Variants in OVCH1 observed in about 807,000 individuals in gnomAD.
OVCH1 encodes ovochymase-1.
Under a neutral mutation model 138.4 loss-of-function variants are expected in OVCH1, and 139 were observed. That is an observed-to-expected ratio of 1.00 (90% confidence interval 0.87 to 1.16). The LOEUF is 1.16. OVCH1 is among the 50% of genes most tolerant of loss of function. OVCH1 has a pLI of 0.00. For missense variants in OVCH1, 1,367 were observed against 1,357.9 expected, an observed-to-expected ratio of 1.01 and a Z score of -0.11; for synonymous variants, 453 against 467.8, an observed-to-expected ratio of 0.97 and a Z score of 0.41.
intron 19 of OVCH1, chr12:29,461,639 G>A (rs1942135267): frequency 3.2e-6 from 2 of 627,982 alleles, no homozygotes; most frequent in Admixed American, 4.4e-5. Context: ...ACCGGCCTTT[G>A]TCGCTGTACA....
intron 22 of OVCH1, among the ~76,000 whole-genome samples, chr12:29,447,671 A>G (rs563061854): frequency 6.6e-6 from 1 of 152,278 alleles, no homozygotes; most frequent in South Asian, 2.1e-4. Context: ...GTAACAGACA[A>G]TGACTGTGGG....
At chr12:29,462,269 A>T (rs1475200252) in intron 18 of OVCH1, among the ~76,000 whole-genome samples, 1 of 151,200 alleles carries the variant, frequency 6.6e-6, no homozygotes, top group African/African-American at 2.5e-5. Context: ...CTTATTTTCA[A>T]TTTAAATGTT....
chr12:29,418,674 G>C (rs779463959), intron 3 of OVCH1, among the ~76,000 whole-genome samples: 1 of 152,106 alleles, frequency 6.6e-6, no homozygotes, highest in African/African-American at 2.4e-5. Flanking sequence ...AAAAGCCAAG[G>C]TGAGTATAGA....
chr12:29,491,025 C>A (rs1229036331), intron 5 of OVCH1, 72 bp downstream of exon 5: 13 of 1,322,384 alleles, frequency 9.8e-6, no homozygotes, highest in African/African-American at 1.5e-5. Context: ...TCATGGTCAA[C>A]AAAATTATTT....
exon 8 of OVCH1, chr12:29,486,344 C>T: frequency 6.2e-7 from 1 of 1,611,296 alleles, no homozygotes. Flanking sequence ...GGCCCCGATC[C>T]AAACCTGTAA....
At chr12:29,460,344 C>A (rs891733980) in intron 19 of OVCH1, among the ~76,000 whole-genome samples, 6 of 152,160 alleles carry the variant, frequency 3.9e-5, no homozygotes, top group African/African-American at 1.4e-4. Context: ...TCCCTCAAAT[C>A]CTACAATAGA....
intron 25 of OVCH1, among the ~76,000 whole-genome samples, chr12:29,439,949 G>A (rs1337755748): frequency 1.3e-5 from 2 of 152,212 alleles, no homozygotes; most frequent in Admixed American, 6.5e-5. Context: ...GAGCTTCAAT[G>A]TTCTTTCTGG....
At chr12:29,491,708 C>T (rs1943277268) in intron 4 of OVCH1, among the ~76,000 whole-genome samples, 1 of 152,014 alleles carries the variant, frequency 6.6e-6, no homozygotes, top group African/African-American at 2.4e-5. Flanking sequence ...TAGAAAAAAG[C>T]CCAGTAACTC....
chr12:29,445,493 C>T (rs896534911), intron 22 of OVCH1, 90 bp from the exon 23 acceptor site: 11 of 1,278,160 alleles, frequency 8.6e-6, no homozygotes, highest in East Asian at 2.5e-5. Context: ...ATTTAACCCA[C>T]GAGGTAGGAA....
chr12:29,435,435 C>T (rs538317653), intron 26 of OVCH1, among the ~76,000 whole-genome samples: 1 of 152,118 alleles, frequency 6.6e-6, no homozygotes, highest in East Asian at 1.9e-4. Flanking sequence ...GGCGCGATCT[C>T]GGCTCACCAC....
At chr12:29,464,566 G>C in exon 18 of OVCH1, 1 of 1,613,622 alleles carries the variant, frequency 6.2e-7, no homozygotes, top group Non-Finnish European at 8.5e-7. Flanking sequence ...TAGAGGCTCT[G>C]CGCTGTGTGG....
At chr12:29,423,386 C>A, downstream of OVCH1, 3 of 416,960 alleles carry the variant, frequency 7.2e-6, 1 homozygote, top group South Asian at 5.3e-5. Flanking sequence ...CATTAAATTC[C>A]AAACTGTTGA....
chr12:29,476,178 T>C (rs193236843), intron 13 of OVCH1, 28 bp downstream of exon 13: 2 of 1,567,052 alleles, frequency 1.3e-6, no homozygotes, highest in African/African-American at 2.7e-5. Context: ...TCTAACACTT[T>C]CATATTTAAA....
chr12:29,457,464 T>A (rs1336752030), intron 19 of OVCH1, among the ~76,000 whole-genome samples: 1 of 140,796 alleles, frequency 7.1e-6, no homozygotes, highest in African/African-American at 2.7e-5. Context: ...AGTGCAGTGG[T>A]GTGATCTCGG....
chr12:29,435,868 CTCCT>C (rs1941349542), intron 26 of OVCH1, among the ~76,000 whole-genome samples: 1 of 152,066 alleles, frequency 6.6e-6, no homozygotes, highest in South Asian at 2.1e-4. Flanking sequence ...CATATTTTTC[CTCCT>C]TCTTTTCCCT....
intron 21 of OVCH1, 23 bp downstream of exon 21, chr12:29,454,818 G>A (rs1459673826): frequency 2.5e-6 from 4 of 1,571,758 alleles, no homozygotes; most frequent in Non-Finnish European, 3.5e-6. Flanking sequence ...AAGTATTAAT[G>A]GGATAATGTA....
chr12:29,406,640 A>C, the OVCH1 span, among the ~76,000 whole-genome samples: 4 of 149,492 alleles, frequency 2.7e-5, no homozygotes, highest in Admixed American at 2.0e-4. Flanking sequence ...TGAACTCATC[A>C]TTTTTTATGG....
chr12:29,489,191 ATC>A (rs1943206136), intron 6 of OVCH1, among the ~76,000 whole-genome samples: 1 of 152,196 alleles, frequency 6.6e-6, no homozygotes, highest in East Asian at 1.9e-4. Context: ...TATTCCCAAT[ATC>A]TCTTACACAA....
intron 16 of OVCH1, among the ~76,000 whole-genome samples, chr12:29,469,876 G>C (rs1354699211): frequency 1.3e-5 from 2 of 152,104 alleles, no homozygotes; most frequent in Non-Finnish European, 2.9e-5. Context: ...CTCAAAACAA[G>C]ATGGGGTCAG....
Sources: gnomAD v4.1 joint callset for allele counts (sites outside exome capture counted in the v4.1 genomes callset) on GRCh38, gnomAD v4.1.1 for gene constraint, MANE v1.5 for transcripts, NCBI Gene and HGNC (gene_info 2026-07-23, HGNC 2026-07-21) for gene names.